Variants in FCAR observed in about 807,000 individuals in gnomAD.
FCAR encodes immunoglobulin alpha Fc receptor.
In FCAR, 21 loss-of-function variants were observed where a neutral mutation model predicts 27.1. That is an observed-to-expected ratio of 0.77 (90% CI 0.55 to 1.11). FCAR has a LOEUF of 1.11. FCAR is among the 50% of genes most tolerant of loss of function. The pLI, the probability that FCAR is intolerant of heterozygous loss-of-function variation, is 0.00. For synonymous variants in FCAR, 134 were observed against 135.8 expected, an observed-to-expected ratio of 0.99 and a Z score of 0.09; for missense variants, 404 against 358.4, an observed-to-expected ratio of 1.13 and a Z score of -1.03.
chr19:54,887,930 A>G, intron 3 of FCAR, 77 bp from the exon 4 acceptor site: 1 of 1,178,406 alleles, frequency 8.5e-7, no homozygotes, highest in East Asian at 2.6e-5. Flanking sequence ...AAAAATATAT[A>G]ATAATAACAA....
chr19:54,874,468 T>A, intron 1 of FCAR, 145 bp downstream of exon 1: 1 of 775,220 alleles, frequency 1.3e-6, no homozygotes, highest in South Asian at 1.7e-5. Flanking sequence ...TCTTTGTCAA[T>A]GTATCTATAA....
intron 2 of FCAR, among the ~76,000 whole-genome samples, chr19:54,881,340 C>T (rs1023126461): frequency 6.6e-6 from 1 of 152,140 alleles, no homozygotes; most frequent in African/African-American, 2.4e-5. Flanking sequence ...GCTCCTTCCC[C>T]AGTCTGAGGG....
intron 2 of FCAR, among the ~76,000 whole-genome samples, chr19:54,877,543 C>T (rs2066163144): frequency 6.6e-6 from 1 of 152,124 alleles, no homozygotes; most frequent in Admixed American, 6.5e-5. Flanking sequence ...AAAAATTCTA[C>T]TCCTCGATTT....
In FCAR at chr19:54,886,432, C is replaced by T. The variant is rs1315596846; in HGVS notation, c.361+907C>T. 2.7e-5 allele frequency among the ~76,000 whole-genome samples: 4 copies of T among 150,482 alleles called. No homozygotes were observed. In the East Asian group the frequency reaches 6.1e-4, roughly 23 times the overall value. On this transcript the variant is annotated intron_variant, in intron 3 of 4. Transcript: ENST00000355524. The stretch of plus-strand genomic sequence containing the variant: ...ACGCCATTCTCCTGCCTCAGCCTCC[C>T]GAGTAGCTGGGACTACAGGCGCCCG...
chr19:54,884,858 G>A (rs767064990), intron 2 of FCAR, among the ~76,000 whole-genome samples: 20 of 152,008 alleles, frequency 1.3e-4, no homozygotes, highest in Non-Finnish European at 2.8e-4. Context: ...CCAGGCTGGA[G>A]TGCAGTGGTG....
intron 2 of FCAR, among the ~76,000 whole-genome samples, chr19:54,881,712 A>T (rs2145874960): frequency 6.6e-6 from 1 of 152,072 alleles, no homozygotes; most frequent in East Asian, 1.9e-4. Flanking sequence ...CTCTACTGAA[A>T]ACACAAAAAA....
At chr19:54,881,554 G>C (rs1212054232) in intron 2 of FCAR, among the ~76,000 whole-genome samples, 1 of 152,034 alleles carries the variant, frequency 6.6e-6, no homozygotes, top group African/African-American at 2.4e-5. Context: ...GCTCCTCTCC[G>C]TATGGCGACT....
At chr19:54,877,349 T>C (rs1359947757) in intron 2 of FCAR, among the ~76,000 whole-genome samples, 5 of 152,214 alleles carry the variant, frequency 3.3e-5, no homozygotes, top group Non-Finnish European at 1.5e-5. Flanking sequence ...TGTCCAGGAA[T>C]TTCTCCATTT....
intron 2 of FCAR, among the ~76,000 whole-genome samples, chr19:54,878,426 C>T (rs587715665): frequency 5.8e-4 from 88 of 152,282 alleles, no homozygotes; most frequent in African/African-American, 1.8e-3. Flanking sequence ...AAGTCTCCCC[C>T]TATTATTGTG....
Position 54,887,887 on chromosome 19 carries a change from A to G in FCAR, c.362-120A>G, listed in dbSNP as rs1040623962. The G allele has an allele frequency of 2.1e-4, 155 of 743,432 alleles. 1 individual carries two copies. The highest frequency in any genetic ancestry group is 3.5e-5 in the Non-Finnish European group (17 of 492,512). The allele number at this position is 743,432 out of a possible 1,614,324, so 46.1% of individuals were successfully genotyped here. On this transcript the variant is annotated intron_variant, in intron 3 of 4. Transcript: ENST00000355524. ...AGCTGAGATCACGCCACTGCACTCC[A>G]GCTTGGGCAATAAGAGCGAAACTCC...
At chr19:54,887,666 C>T (rs931376856) in intron 3 of FCAR, among the ~76,000 whole-genome samples, 2 of 151,478 alleles carry the variant, frequency 1.3e-5, no homozygotes, top group African/African-American at 2.4e-5. Context: ...CCTGTAATCC[C>T]AGCACTTTGG....
rs367790442 is a variant in FCAR, at chr19:54,884,602, C to T, written c.71-633C>T. ...TTGCACCACTGCACTGCAGCCTGGGCGACAAAACAAGACTCTGTCTCGAAA... is the reference window on the plus strand; with the variant it reads ...TTGCACCACTGCACTGCAGCCTGGGTGACAAAACAAGACTCTGTCTCGAAA... On this transcript the variant is annotated intron_variant, in intron 2 of 4. Transcript: ENST00000355524. Among the ~76,000 whole-genome samples the T allele has an allele frequency of 1.1e-4, 17 of 151,444 alleles. 1 individual carries two copies. The highest frequency in any genetic ancestry group is 4.2e-4 in the South Asian group (2 of 4,784).
chr19:54,889,383 A>AC (rs1354071675), intron 4 of FCAR, among the ~76,000 whole-genome samples: 2 of 149,730 alleles, frequency 1.3e-5, no homozygotes, highest in Middle Eastern at 3.5e-3. Flanking sequence ...AAAAAAAAAA[A>AC]AAAAAAAAAC....
rs2067002809 is a variant in FCAR at position 54,890,186 on chromosome 19, T to C, written c.*323T>C. ...CCAGGCTGGTCTCGAACTCCTGACCTCAGGTGATCCACCCACCTTGGCCTC... is the reference window on the plus strand; with the variant it reads ...CCAGGCTGGTCTCGAACTCCTGACCCCAGGTGATCCACCCACCTTGGCCTC... On this transcript the variant is annotated 3_prime_UTR_variant, in exon 5 of 5. Coordinates refer to ENST00000355524, the MANE Select transcript of FCAR (RefSeq NM_002000.4). The C allele has an allele frequency of 2.3e-5, 8 of 348,104 alleles. No homozygotes were observed. Among genetic ancestry groups the C allele is most frequent in the Non-Finnish European group, 4.3e-5 (8 of 185,278 alleles). The allele number at this position is 348,104 out of a possible 1,614,324, so 21.6% of individuals were successfully genotyped here.
chr19:54,889,578 T>C, intron 4 of FCAR, 71 bp from the exon 5 acceptor site: 1 of 1,341,764 alleles, frequency 7.5e-7, no homozygotes, highest in South Asian at 1.2e-5. Flanking sequence ...AGCTCCCGTT[T>C]CAGGGCTCTG....
rs1476901392 is a variant in FCAR, at chr19:54,885,595, G to T, written c.361+70G>T. On this transcript the variant is annotated intron_variant, in intron 3 of 4. Transcript: ENST00000355524. ...TTATTTTTAATAGAGTATTTTTCAA[G>T]AAGTTTTAGATTTACAAACAAAAAA... 5 of 1,236,870 alleles carry T rather than the reference G, an allele frequency of 4.0e-6. No homozygotes were observed. In the South Asian group the frequency reaches 7.3e-5, roughly 18 times the overall value. The allele number at this position is 1,236,870 out of a possible 1,614,324, so 76.6% of individuals were successfully genotyped here. A position where few individuals can be genotyped will look rare whatever the true frequency, so the allele number is the denominator to read the frequency against.
At chr19:54,887,278 CA>C (rs1357768034) in intron 3 of FCAR, among the ~76,000 whole-genome samples, 38 of 152,000 alleles carry the variant, frequency 2.5e-4, no homozygotes, top group African/African-American at 8.5e-4. Context: ...CCACTGCCCT[CA>C]GCCTGGGCGA....
chr19:54,887,289 A>G (rs116934473), intron 3 of FCAR, among the ~76,000 whole-genome samples: 8,761 of 152,128 alleles, frequency 0.058, 320 homozygotes, highest in Non-Finnish European at 0.079. Flanking sequence ...AGCCTGGGCG[A>G]CAGAGTGAGA....
At position 54,875,301 on chromosome 19, in the gene FCAR, T is replaced by A. The variant is rs746861847; in HGVS notation, c.35-29T>A. The A allele has an allele frequency of 3.1e-6, 5 of 1,610,836 alleles. No individual in the cohort carries two copies. In the South Asian group the frequency reaches 4.4e-5, roughly 14 times the overall value. On this transcript the variant is annotated intron_variant, in intron 1 of 4. Coordinates refer to ENST00000355524, the MANE Select transcript of FCAR (RefSeq NM_002000.4). ...TGTCGTAAAGGTTGGAAATGGAAGC[T>A]TGATTTTTCATAAATCTCTCTCTTC...
Sources: allele counts gnomAD v4.1 joint callset (sites outside exome capture counted in the v4.1 genomes callset), GRCh38; gene constraint gnomAD v4.1.1; transcripts MANE v1.5; gene names NCBI Gene and HGNC (gene_info 2026-07-23, HGNC 2026-07-21).